The following CARMIL1 variants were observed in gnomAD, a reference collection of about 807,000 sequenced individuals.
CARMIL1 encodes the protein capping protein regulator and myosin 1 linker 1.
A neutral mutation model predicts 177.1 loss-of-function variants in CARMIL1; 90 were observed. The observed-to-expected ratio is 0.51, with a 90% confidence interval of 0.43 to 0.61. CARMIL1 has a LOEUF of 0.61. Ranked by LOEUF, CARMIL1 falls within the 20% of genes least tolerant of loss-of-function variation. The pLI, the probability that CARMIL1 is intolerant of heterozygous loss-of-function variation, is 0.00. For synonymous variants in CARMIL1, 577 were observed against 606.2 expected (o/e 0.95, Z 0.71); for missense variants, 1,380 against 1,667.0 (o/e 0.83, Z 3.00).
At chr6:25,569,283 C>T (rs1275847960) in intron 29 of CARMIL1, among the ~76,000 whole-genome samples, 2 of 152,108 alleles carry the variant, frequency 1.3e-5, no homozygotes, top group Non-Finnish European at 1.5e-5. Flanking sequence ...TTAAACTGAG[C>T]ATGATGAAAA....
At chr6:25,576,234 T>G (rs748411306) in intron 29 of CARMIL1, among the ~76,000 whole-genome samples, 4 of 152,090 alleles carry the variant, frequency 2.6e-5, no homozygotes, top group Non-Finnish European at 4.4e-5. Context: ...GATTTTTTTT[T>G]AAATCTAAGG....
intron 8 of CARMIL1, 46 bp downstream of exon 8, chr6:25,450,757 TCCC>T: frequency 2.3e-6 from 1 of 440,468 alleles, no homozygotes; most frequent in Non-Finnish European, 3.8e-6. Flanking sequence ...CCTCCCTTCC[TCCC>T]TCCCTTCCTC....
At chr6:25,519,855 A>G (rs1291982607) in intron 22 of CARMIL1, among the ~76,000 whole-genome samples, 1 of 152,206 alleles carries the variant, frequency 6.6e-6, no homozygotes, top group African/African-American at 2.4e-5. Flanking sequence ...GTGGGGACCC[A>G]GGTAGAGTCA....
intron 11 of CARMIL1, among the ~76,000 whole-genome samples, chr6:25,474,296 T>TA (rs1801335117): frequency 6.6e-6 from 1 of 151,616 alleles, no homozygotes; most frequent in South Asian, 2.1e-4. Context: ...TTTTTTTTTT[T>TA]AGTAGAGATG....
At chr6:25,613,824 G>A (rs1816684474) in intron 36 of CARMIL1, among the ~76,000 whole-genome samples, 1 of 152,196 alleles carries the variant, frequency 6.6e-6, no homozygotes, top group South Asian at 2.1e-4. Flanking sequence ...AACCATATCA[G>A]GGGTTAATAG....
At chr6:25,608,631 A>G (rs1816216918) in intron 35 of CARMIL1, among the ~76,000 whole-genome samples, 2 of 152,234 alleles carry the variant, frequency 1.3e-5, no homozygotes, top group South Asian at 2.1e-4. Context: ...CTATGTTTTT[A>G]TAGAGCTTGG....
rs1759645373 is a variant in CARMIL1, at chr6:25,620,397, G to T, written c.*814G>T. ...GCTTTTAATGTGTGATTTTAAGAGA[G>T]AATACTTTGACACCTGTAAAAATCA... is the stretch of plus-strand genomic sequence containing the variant. On this transcript the variant is annotated 3_prime_UTR_variant, in exon 37 of 37. Transcript: ENST00000329474. 1 of 152,148 alleles carries T rather than the reference G, an allele frequency of 6.6e-6. No homozygotes were observed. Among genetic ancestry groups the T allele is most frequent in the Non-Finnish European group, 1.5e-5 (1 of 68,028 alleles). The allele number at this position is 152,148 out of a possible 1,614,324, so 9.4% of individuals were successfully genotyped here. A position where few individuals can be genotyped will look rare whatever the true frequency, so the allele number is the denominator to read the frequency against.
At chr6:25,333,131 GTCCCCTCCCTGC>G (rs1785864305) in intron 2 of CARMIL1, among the ~76,000 whole-genome samples, 1 of 152,184 alleles carries the variant, frequency 6.6e-6, no homozygotes, top group Non-Finnish European at 1.5e-5. Context: ...AATGTGGAAA[GTCCCCTCCCTGC>G]TGTTTACTAC....
At chr6:25,407,303 A>G (rs1221260094) in intron 2 of CARMIL1, among the ~76,000 whole-genome samples, 1 of 152,108 alleles carries the variant, frequency 6.6e-6, no homozygotes, top group African/African-American at 2.4e-5. Flanking sequence ...AAACATCTCT[A>G]TGTTTGGATA....
chr6:25,466,519 C>T (rs1002468978), intron 9 of CARMIL1, among the ~76,000 whole-genome samples: 6 of 152,164 alleles, frequency 3.9e-5, no homozygotes, highest in Non-Finnish European at 8.8e-5. Flanking sequence ...GTTGGGGTTG[C>T]TGCCAGTTCA....
chr6:25,478,277 T>C (rs1801765752), intron 11 of CARMIL1, among the ~76,000 whole-genome samples: 1 of 152,160 alleles, frequency 6.6e-6, no homozygotes, highest in Admixed American at 6.5e-5. Flanking sequence ...AGGTCTTTCA[T>C]GTCTCAGTGT....
At chr6:25,362,502 C>G (rs1217242611) in intron 2 of CARMIL1, among the ~76,000 whole-genome samples, 2 of 151,906 alleles carry the variant, frequency 1.3e-5, no homozygotes, top group African/African-American at 4.8e-5. Flanking sequence ...TGGTAAAACC[C>G]TGTCTCTACT....
chr6:25,330,084 C>G (rs1296808251), intron 2 of CARMIL1, among the ~76,000 whole-genome samples: 1 of 152,204 alleles, frequency 6.6e-6, no homozygotes. Context: ...GGAGTTAGTT[C>G]AGTAAACATT....
chr6:25,605,088 G>C (rs1450280298), intron 34 of CARMIL1, among the ~76,000 whole-genome samples, 195 bp downstream of exon 34: 1 of 152,186 alleles, frequency 6.6e-6, no homozygotes, highest in African/African-American at 2.4e-5. Context: ...CTGCCCCACT[G>C]TAGCATTGTG....
intron 2 of CARMIL1, among the ~76,000 whole-genome samples, chr6:25,378,358 A>AGT (rs1442370659): frequency 3.3e-5 from 5 of 152,172 alleles, no homozygotes; most frequent in African/African-American, 1.2e-4. Flanking sequence ...CTCCCTACAC[A>AGT]GCAGGGGCAC....
intron 2 of CARMIL1, among the ~76,000 whole-genome samples, chr6:25,368,985 A>C (rs1396252721): frequency 6.6e-6 from 1 of 152,222 alleles, no homozygotes; most frequent in African/African-American, 2.4e-5. Context: ...TTAGCAAGGA[A>C]AATTTGCCAG....
Position 25,564,587 on chromosome 6 carries a change from A to C in CARMIL1, c.2742+7737A>C, listed in dbSNP as rs376050554. Among the ~76,000 whole-genome samples the C allele has an allele frequency of 1.4e-4, 21 of 152,202 alleles. No homozygotes were observed. In the East Asian group the frequency reaches 3.7e-3, roughly 27 times the overall value. On this transcript the variant is annotated intron_variant, in intron 29 of 36. Coordinates refer to ENST00000329474, the MANE Select transcript of CARMIL1 (RefSeq NM_017640.6). ...GCAGGCAAGAGTAGTGGACGTTCTG[A>C]GTAGTTTGCCTTCTGTCTTATGGAC...
intron 28 of CARMIL1, among the ~76,000 whole-genome samples, chr6:25,555,362 TACAA>T (rs1810506948): frequency 6.7e-6 from 1 of 149,544 alleles, no homozygotes; most frequent in African/African-American, 2.5e-5. Context: ...TTTAAATAAG[TACAA>T]ACAAAAGCAA....
At chr6:25,305,979 A>C (rs913202691) in intron 2 of CARMIL1, among the ~76,000 whole-genome samples, 14 of 152,140 alleles carry the variant, frequency 9.2e-5, no homozygotes, top group Non-Finnish European at 1.9e-4. Flanking sequence ...ACTATTAATA[A>C]ATATATGTTC....
Sources: gnomAD v4.1 joint callset for allele counts (sites outside exome capture counted in the v4.1 genomes callset) on GRCh38, gnomAD v4.1.1 for gene constraint, MANE v1.5 for transcripts, NCBI Gene and HGNC (gene_info 2026-07-23, HGNC 2026-07-21) for gene names.